The following MYO3A variants were observed in gnomAD, a reference collection of about 807,000 sequenced individuals.
The protein encoded by MYO3A is myosin IIIA.
A neutral mutation model predicts 192.7 loss-of-function variants in MYO3A; 180 were observed. That is an observed-to-expected ratio of 0.93 (90% CI 0.83 to 1.06). The LOEUF (loss-of-function observed/expected upper bound fraction) is 1.06. MYO3A is among the 50% of genes least tolerant of loss of function. The pLI is 0.00. For missense variants in MYO3A, 1,896 were observed against 1,905.0 expected, an observed-to-expected ratio of 1.00 and a Z score of 0.09; for synonymous variants, 628 against 645.3, an observed-to-expected ratio of 0.97 and a Z score of 0.41.
intron 17 of MYO3A, among the ~76,000 whole-genome samples, chr10:26,103,544 T>C (rs1402670480): frequency 6.6e-6 from 1 of 152,236 alleles, no homozygotes; most frequent in African/African-American, 2.4e-5. Context: ...TGTTAAATAA[T>C]ATTTCATTTT....
rs1412725376 is a variant in MYO3A at position 26,001,292 on chromosome 10, C to T, written c.508+4034C>T. 2.6e-5 allele frequency among the ~76,000 whole-genome samples: 4 copies of T among 152,254 alleles called. No individual in the cohort carries two copies. The South Asian group carries it at 6.2e-4, about 24-fold the overall frequency. On this transcript the variant is annotated intron_variant, in intron 6 of 34. Coordinates refer to ENST00000642920, the MANE Select transcript of MYO3A (RefSeq NM_017433.5). ...AGTGGAAAGACTCAAGTTAGCTTTTCCAAACCCTTAGCTTTAGTTTTCCAG... is the reference window on the plus strand; with the variant it reads ...AGTGGAAAGACTCAAGTTAGCTTTTTCAAACCCTTAGCTTTAGTTTTCCAG...
intron 17 of MYO3A, among the ~76,000 whole-genome samples, chr10:26,113,392 C>T (rs570550892): frequency 2.0e-5 from 3 of 151,460 alleles, no homozygotes; most frequent in East Asian, 3.9e-4. Flanking sequence ...ATTGCTTGAA[C>T]GCGGGAGGTG....
intron 4 of MYO3A, among the ~76,000 whole-genome samples, chr10:25,983,636 G>C (rs528051150): frequency 6.6e-6 from 1 of 152,194 alleles, no homozygotes; most frequent in South Asian, 2.1e-4. Flanking sequence ...AAGAATAATT[G>C]GTGCTCCTGA....
intron 10 of MYO3A, among the ~76,000 whole-genome samples, chr10:26,062,867 G>C (rs538125059): frequency 7.0e-5 from 10 of 142,542 alleles, no homozygotes; most frequent in Admixed American, 1.4e-4. Flanking sequence ...AAAAAGAAGT[G>C]TGTATGGGGG....
intron 30 of MYO3A, among the ~76,000 whole-genome samples, chr10:26,176,014 G>A (rs1374140518): frequency 1.3e-5 from 2 of 152,308 alleles, no homozygotes; most frequent in Middle Eastern, 3.4e-3. Context: ...TGGAAAGAAG[G>A]CCGGGCGCGG....
At chr10:25,938,740 GTCT>G (rs1468697641) in intron 2 of MYO3A, among the ~76,000 whole-genome samples, 1 of 152,176 alleles carries the variant, frequency 6.6e-6, no homozygotes, top group African/African-American at 2.4e-5. Context: ...GCCATCTGCT[GTCT>G]TCTTAGCATG....
intron 20 of MYO3A, among the ~76,000 whole-genome samples, chr10:26,135,364 A>T (rs1839787764): frequency 2.6e-5 from 4 of 151,664 alleles, no homozygotes; most frequent in Non-Finnish European, 5.9e-5. Context: ...CATAAATATA[A>T]ATTATTATTT....
At chr10:26,005,793 T>G (rs537269466) in intron 6 of MYO3A, among the ~76,000 whole-genome samples, 47 of 152,120 alleles carry the variant, frequency 3.1e-4, no homozygotes, top group African/African-American at 1.0e-3. Context: ...AAAAAGAAAC[T>G]AGGGGGAAAC....
rs1237739294 is a variant in MYO3A at position 26,026,373 on chromosome 10, G to A, written c.798-4G>A. 2 of 1,613,900 alleles carry A rather than the reference G, an allele frequency of 1.2e-6. No individual in the cohort carries two copies. The highest frequency in any genetic ancestry group is 1.7e-6 in the Non-Finnish European group (2 of 1,179,914). On this transcript the variant is annotated splice_region_variant and splice_polypyrimidine_tract_variant and intron_variant, in intron 9 of 34. Transcript: ENST00000642920. ...TAATTGCATGTTCTTTTTTGCCAGTGCAGGTGCTTGACTAAAGATTATGAA... is the reference window on the plus strand; with the variant it reads ...TAATTGCATGTTCTTTTTTGCCAGTACAGGTGCTTGACTAAAGATTATGAA...
intron 17 of MYO3A, among the ~76,000 whole-genome samples, chr10:26,114,084 TC>T (rs1439537891): frequency 3.9e-5 from 6 of 152,114 alleles, no homozygotes; most frequent in Non-Finnish European, 7.4e-5. Flanking sequence ...CATCCTGGGT[TC>T]CCTCCTCCCC....
chr10:26,047,631 C>T (rs955843569), intron 10 of MYO3A, among the ~76,000 whole-genome samples: 4 of 151,844 alleles, frequency 2.6e-5, no homozygotes, highest in African/African-American at 9.7e-5. Flanking sequence ...AAAAATTAGC[C>T]GGGCGTGGTG....
chr10:26,117,206 C>G (rs750174846), intron 17 of MYO3A, among the ~76,000 whole-genome samples: 2 of 152,122 alleles, frequency 1.3e-5, no homozygotes, highest in Non-Finnish European at 2.9e-5. Context: ...TGGATTCAAC[C>G]AATCCCTTAA....
chr10:26,115,202 G>T (rs1838427119), intron 17 of MYO3A, among the ~76,000 whole-genome samples: 1 of 152,206 alleles, frequency 6.6e-6, no homozygotes, highest in Non-Finnish European at 1.5e-5. Context: ...TGCTAGAAAA[G>T]TCACTCTGAC....
At chr10:26,040,410 A>T (rs1294326094) in intron 10 of MYO3A, among the ~76,000 whole-genome samples, 1 of 152,174 alleles carries the variant, frequency 6.6e-6, no homozygotes, top group Non-Finnish European at 1.5e-5. Flanking sequence ...TTCAAGAACG[A>T]TGTTAACATC....
chr10:26,164,546 C>T (rs115608542), intron 26 of MYO3A, among the ~76,000 whole-genome samples: 2,465 of 152,088 alleles, frequency 0.016, 76 homozygotes, highest in African/African-American at 0.057. Context: ...GAAAGCAGGA[C>T]GCAATTAAGT....
chr10:26,008,799 C>G (rs2130987885), intron 6 of MYO3A, among the ~76,000 whole-genome samples: 1 of 152,060 alleles, frequency 6.6e-6, no homozygotes, highest in South Asian at 2.1e-4. Context: ...ACTAGTTCAA[C>G]CATTGTGGAA....
intron 4 of MYO3A, among the ~76,000 whole-genome samples, chr10:25,995,237 C>G (rs565927430): frequency 3.3e-5 from 5 of 152,090 alleles, no homozygotes; most frequent in African/African-American, 1.2e-4. Context: ...CTAAACTTTT[C>G]GCTTCATTTC....
At chr10:26,200,960 G>T (rs982553696) in intron 32 of MYO3A, 1 of 159,694 alleles carries the variant, frequency 6.3e-6, no homozygotes. Context: ...GTTTGCTCCC[G>T]TTTGTAGTAA....
intron 6 of MYO3A, among the ~76,000 whole-genome samples, chr10:26,012,221 C>T (rs1035168542): frequency 6.6e-6 from 1 of 152,066 alleles, no homozygotes; most frequent in African/African-American, 2.4e-5. Context: ...CACCCCTATT[C>T]AACATAGTTC....
Sources: allele counts gnomAD v4.1 joint callset (sites outside exome capture counted in the v4.1 genomes callset), GRCh38; gene constraint gnomAD v4.1.1; transcripts MANE v1.5; gene names NCBI Gene and HGNC (gene_info 2026-07-23, HGNC 2026-07-21).